The following UNC50 variants were observed in gnomAD, a reference collection of about 807,000 sequenced individuals.
UNC50 encodes the protein unc-50 inner nuclear membrane RNA binding protein.
Under a neutral mutation model 31.5 loss-of-function variants are expected in UNC50, and 24 were observed. The observed-to-expected ratio is 0.76, with a 90% CI of 0.55 to 1.07. The LOEUF is 1.07. Among genes scored for constraint, UNC50 ranks in the 50% least tolerant of loss-of-function variants. The pLI is 0.00. For synonymous variants in UNC50, 118 were observed against 114.7 expected (o/e 1.03, Z -0.18); for missense variants, 245 against 304.2 (o/e 0.81, Z 1.45).
At chr2:98,610,101 T>C (rs1318839585) in intron 2 of UNC50, 62 bp downstream of exon 2, 1 of 1,493,438 alleles carries the variant, frequency 6.7e-7, no homozygotes, top group East Asian at 2.3e-5. Context: ...TTTTTTGTTA[T>C]AAATGTGTTG....
At chr2:98,611,891 A>AT (rs35827998) in intron 3 of UNC50, among the ~76,000 whole-genome samples, 46 of 149,288 alleles carry the variant, frequency 3.1e-4, no homozygotes, top group South Asian at 1.7e-3. Flanking sequence ...AAAAAGAAGG[A>AT]TTTTTTTTTT....
At position 98,609,754 on chromosome 2, in the gene UNC50, A is replaced by G; in HGVS notation, c.-4-2A>G. 2 of 1,614,226 alleles carry G rather than the reference A, an allele frequency of 1.2e-6. No homozygotes were observed. Among genetic ancestry groups the G allele is most frequent in the African/African-American group, 1.3e-5 (1 of 75,078 alleles). ...TAAAAGAAATGTTTTTCTTCCATCTAGGAAGATGTTACCGAGTACTTCAGT... is the reference window on the plus strand; with the variant it reads ...TAAAAGAAATGTTTTTCTTCCATCTGGGAAGATGTTACCGAGTACTTCAGT... On this transcript the variant is annotated splice_acceptor_variant, in intron 1 of 5. Transcript: ENST00000357765. LOFTEE classifies it low-confidence loss of function (5UTR_SPLICE).
chr2:98,610,645 C>T (rs1700811045), intron 2 of UNC50, 130 bp from the exon 3 acceptor site: 3 of 1,179,802 alleles, frequency 2.5e-6, no homozygotes, highest in Non-Finnish European at 3.6e-6. Flanking sequence ...GTAGTGTTCA[C>T]ACATCTTGGG....
intron 3 of UNC50, among the ~76,000 whole-genome samples, chr2:98,615,639 C>T (rs1341199407): frequency 6.6e-6 from 1 of 152,216 alleles, no homozygotes; most frequent in African/African-American, 2.4e-5. Context: ...TAACTGGTCT[C>T]TGCTGCCAGT....
At chr2:98,609,199 C>G (rs1700773232) in intron 1 of UNC50, 1 of 154,972 alleles carries the variant, frequency 6.5e-6, no homozygotes, top group Non-Finnish European at 1.4e-5. Flanking sequence ...CCGACGCTAC[C>G]GCTCCCTCTG....
chr2:98,609,986 A>G lies in UNC50; in HGVS notation c.227A>G (p.Gln76Arg). Residue 76 changes from glutamine (Q) to arginine (R), a missense_variant, in exon 2 of 6, where the codon CAG becomes CGG. Coordinates refer to ENST00000357765, the MANE Select transcript of UNC50 (RefSeq NM_014044.7). ...NFHYRKQTKD[Q>R]WARDDPAFLV... ...CATTATCGAAAACAGACGAAGGACC[A>G]GTGGGCCAGAGATGACCCTGCTTTC... is the stretch of plus-strand genomic sequence containing the variant. The G allele has an allele frequency of 1.2e-6, 2 of 1,614,242 alleles. No individual in the cohort carries two copies. The highest frequency in any genetic ancestry group is 2.2e-5 in the East Asian group (1 of 44,892).
intron 3 of UNC50, among the ~76,000 whole-genome samples, chr2:98,612,610 A>G (rs1329498348): frequency 3.3e-5 from 5 of 152,100 alleles, no homozygotes; most frequent in Admixed American, 6.6e-5. Context: ...GGGTTTTGCC[A>G]TTTGGCCAGG....
At chr2:98,609,729 T>C in intron 1 of UNC50, 27 bp from the exon 2 acceptor site, 1 of 1,613,638 alleles carries the variant, frequency 6.2e-7, no homozygotes, top group Non-Finnish European at 8.5e-7. Flanking sequence ...AGAATACGTG[T>C]AAAAGAAATG....
At chr2:98,615,598 C>T (rs960889511) in intron 3 of UNC50, among the ~76,000 whole-genome samples, 2 of 152,212 alleles carry the variant, frequency 1.3e-5, no homozygotes, top group African/African-American at 4.8e-5. Flanking sequence ...CCACCAGCCC[C>T]TCTGCTCATC....
rs1390533904 is a variant in UNC50, at chr2:98,618,506, TTAAAC to T, written c.*207_*211del. 2 of 416,536 alleles carry T rather than the reference TTAAAC, an allele frequency of 4.8e-6. No homozygotes were observed. The highest frequency in any genetic ancestry group is 8.1e-5 in the East Asian group (2 of 24,616). 25.8% of individuals were successfully genotyped at this position (416,536 alleles called of 1,614,324 possible). A position where few individuals can be genotyped will look rare whatever the true frequency, so the allele number is the denominator to read the frequency against. ...TGTACATTTCTATAATAAATATTTT[TTAAAC>T]TAAAGCATGTGTGTTCACTCTAATA... On this transcript the variant is annotated 3_prime_UTR_variant, in exon 6 of 6. Transcript: ENST00000357765.
chr2:98,613,939 G>A (rs1401284409), intron 3 of UNC50, among the ~76,000 whole-genome samples: 1 of 152,216 alleles, frequency 6.6e-6, no homozygotes, highest in Non-Finnish European at 1.5e-5. Flanking sequence ...GGAATTGCAA[G>A]TGCAATGGCA....
chr2:98,610,173 T>A, intron 2 of UNC50, 134 bp downstream of exon 2: 1 of 996,162 alleles, frequency 1.0e-6, no homozygotes, highest in Non-Finnish European at 1.5e-6. Flanking sequence ...TCAAAAAATC[T>A]CACAGGAAAG....
chr2:98,611,405 T>C (rs1413004138), intron 3 of UNC50, among the ~76,000 whole-genome samples: 1 of 152,230 alleles, frequency 6.6e-6, no homozygotes, highest in Admixed American at 6.5e-5. Context: ...TGCCTTTCAC[T>C]GAATACACAA....
chr2:98,617,177 C>T (rs1034489127), intron 5 of UNC50, among the ~76,000 whole-genome samples: 6 of 152,058 alleles, frequency 3.9e-5, no homozygotes, highest in Non-Finnish European at 5.9e-5. Context: ...AGAAATGATC[C>T]CATTAAATAA....
intron 2 of UNC50, 146 bp from the exon 3 acceptor site, chr2:98,610,629 C>A: frequency 9.6e-7 from 1 of 1,042,870 alleles, no homozygotes; most frequent in Non-Finnish European, 1.4e-6. Flanking sequence ...CACGCTGTGT[C>A]CCAAGGTAGT....
At chr2:98,615,323 C>T (rs945359277) in intron 3 of UNC50, among the ~76,000 whole-genome samples, 5 of 152,178 alleles carry the variant, frequency 3.3e-5, no homozygotes, top group African/African-American at 1.2e-4. Flanking sequence ...AAACTCTAGA[C>T]ATTGTATACA....
chr2:98,617,850 CACT>C (rs1700957410), intron 5 of UNC50, among the ~76,000 whole-genome samples: 1 of 152,068 alleles, frequency 6.6e-6, no homozygotes. Flanking sequence ...TTAAATTCAC[CACT>C]GTTTTCATGA....
rs114644306 is a variant in UNC50 at position 98,616,530 on chromosome 2, A to G, written c.640A>G (p.Ser214Gly). The change falls in exon 5 of 6, where the codon AGT becomes GGT. Residue 214 changes from serine (S) to glycine (G), a missense_variant. Transcript: ENST00000357765. ...YYIYVTFLGY[S>G]ALPFLKNTVI... Reference sequence around the variant, plus strand: ...TATCTATGTAACTTTCCTGGGATACAGTGGTAAGTAATTTTTTTAAATGTT... The same window carrying G: ...TATCTATGTAACTTTCCTGGGATACGGTGGTAAGTAATTTTTTTAAATGTT... The G allele has an allele frequency of 3.1e-3, 5,066 of 1,611,216 alleles. 11 individuals are homozygous for G. The highest frequency in any genetic ancestry group is 3.7e-3 in the Non-Finnish European group (4,383 of 1,177,928).
intron 1 of UNC50, chr2:98,609,315 G>T: frequency 5.2e-6 from 1 of 191,376 alleles, no homozygotes; most frequent in Non-Finnish European, 1.1e-5. Context: ...ATGGATCTGT[G>T]TGAATAGGCC....
Sources: allele counts gnomAD v4.1 joint callset (sites outside exome capture counted in the v4.1 genomes callset), GRCh38; gene constraint gnomAD v4.1.1; transcripts MANE v1.5; gene names NCBI Gene and HGNC (gene_info 2026-07-23, HGNC 2026-07-21).